Variants in LGSN observed in about 807,000 individuals in gnomAD.
LGSN encodes the protein lengsin.
LGSN carries 21 observed loss-of-function variants against 19.5 expected under a neutral mutation model. The ratio of observed to expected loss-of-function variants is 1.07; its 90% confidence interval spans 0.76 to 1.55. LGSN has a LOEUF of 1.55. Ranked by LOEUF, LGSN falls within the 40% of genes most tolerant of loss-of-function variation. The pLI is 0.00. For missense variants in LGSN, 673 were observed against 608.5 expected (o/e 1.11, Z -1.12); for synonymous variants, 257 against 215.6 (o/e 1.19, Z -1.68).
chr6:63,355,221 C>T, the LGSN span, among the ~76,000 whole-genome samples: 3 of 151,914 alleles, frequency 2.0e-5, no homozygotes, highest in African/African-American at 7.3e-5. Flanking sequence ...ATCACATGTA[C>T]CCTACAAATA....
the LGSN span, among the ~76,000 whole-genome samples, chr6:63,540,754 T>C: frequency 5.3e-5 from 8 of 151,936 alleles, no homozygotes; most frequent in Non-Finnish European, 1.0e-4. Context: ...AGAATGGTTA[T>C]GAGGGTGGCG....
the LGSN span, among the ~76,000 whole-genome samples, chr6:63,435,746 C>T: frequency 2.0e-5 from 3 of 151,784 alleles, no homozygotes; most frequent in Non-Finnish European, 4.4e-5. Flanking sequence ...CACTCAGTAT[C>T]TTCTTAAAAA....
At chr6:63,468,462 C>T in the LGSN span, among the ~76,000 whole-genome samples, 1 of 151,564 alleles carries the variant, frequency 6.6e-6, no homozygotes, top group Non-Finnish European at 1.5e-5. Flanking sequence ...GAATCTTGCT[C>T]TGTTGCCCAG....
the LGSN span, among the ~76,000 whole-genome samples, chr6:63,354,920 G>GA: frequency 4.6e-4 from 66 of 144,754 alleles, no homozygotes; most frequent in South Asian, 6.5e-4. Flanking sequence ...ATATATGGGA[G>GA]AAAAAAAAAA....
At chr6:63,520,822 G>T in the LGSN span, among the ~76,000 whole-genome samples, 95 of 152,142 alleles carry the variant, frequency 6.2e-4, no homozygotes, top group African/African-American at 2.2e-3. Context: ...GTGGTAAAGA[G>T]ATCATTTATT....
the LGSN span, among the ~76,000 whole-genome samples, chr6:63,442,711 T>C: frequency 6.6e-6 from 1 of 152,090 alleles, no homozygotes; most frequent in Non-Finnish European, 1.5e-5. Context: ...TTGCTGCATT[T>C]ACAATCCTTT....
At chr6:63,426,572 T>TG in the LGSN span, among the ~76,000 whole-genome samples, 1 of 152,192 alleles carries the variant, frequency 6.6e-6, no homozygotes, top group African/African-American at 2.4e-5. Context: ...TAGAGTGCAA[T>TG]GGCACAATCC....
the LGSN span, among the ~76,000 whole-genome samples, chr6:63,478,694 T>C: frequency 6.6e-6 from 1 of 152,170 alleles, no homozygotes; most frequent in Non-Finnish European, 1.5e-5. Flanking sequence ...CTCTAAAGAT[T>C]CAAGAATTTA....
the LGSN span, among the ~76,000 whole-genome samples, chr6:63,497,118 C>T: frequency 1.3e-5 from 2 of 152,016 alleles, no homozygotes; most frequent in African/African-American, 2.4e-5. Flanking sequence ...ACTACAGGCA[C>T]ACATCTCCAC....
the LGSN span, among the ~76,000 whole-genome samples, chr6:63,408,501 C>T: frequency 2.8e-5 from 4 of 145,410 alleles, no homozygotes; most frequent in African/African-American, 5.3e-5. Flanking sequence ...AACTGGATCC[C>T]TTCCTTACAC....
chr6:63,326,528 G>T, the LGSN span, among the ~76,000 whole-genome samples: 11 of 152,194 alleles, frequency 7.2e-5, no homozygotes, highest in African/African-American at 2.4e-4. Context: ...GGCTTGGGCC[G>T]CACAGGAGCC....
the LGSN span, among the ~76,000 whole-genome samples, chr6:63,526,835 ATT>A: frequency 1.2e-3 from 149 of 128,964 alleles, 1 homozygote; most frequent in African/African-American, 2.6e-3. Flanking sequence ...ATATATATAT[ATT>A]TATTTATTTA....
At chr6:63,533,696 T>C in the LGSN span, among the ~76,000 whole-genome samples, 93 of 152,302 alleles carry the variant, frequency 6.1e-4, no homozygotes, top group Middle Eastern at 3.4e-3. Flanking sequence ...ATTAGAATTC[T>C]AAATGACTTT....
At chr6:63,409,410 ATTTT>A in the LGSN span, among the ~76,000 whole-genome samples, 1 of 152,192 alleles carries the variant, frequency 6.6e-6, no homozygotes, top group Non-Finnish European at 1.5e-5. Context: ...ATTTTAAGAA[ATTTT>A]TACATATATC....
chr6:63,440,328 C>G, the LGSN span, among the ~76,000 whole-genome samples: 1 of 152,142 alleles, frequency 6.6e-6, no homozygotes, highest in Non-Finnish European at 1.5e-5. Context: ...AGGAGCCTGG[C>G]CTCCTCAGTT....
the LGSN span, among the ~76,000 whole-genome samples, chr6:63,489,009 A>G: frequency 1.4e-4 from 22 of 152,318 alleles, no homozygotes; most frequent in East Asian, 3.5e-3. Context: ...GCAATCCATA[A>G]CAAATAAATA....
intron 1 of LGSN, among the ~76,000 whole-genome samples, chr6:63,301,530 A>G (rs950119435): frequency 1.3e-5 from 2 of 152,124 alleles, no homozygotes; most frequent in African/African-American, 4.8e-5. Context: ...GATTATGGAA[A>G]TCTTGTGTGT....
upstream of LGSN, among the ~76,000 whole-genome samples, chr6:63,323,748 C>A (rs113519067): frequency 0.027 from 3,981 of 147,358 alleles, 236 homozygotes; most frequent in African/African-American, 0.097. Context: ...AGAAAAACCA[C>A]TGGAATCTCG....
the LGSN span, among the ~76,000 whole-genome samples, chr6:63,535,488 A>G: frequency 2.0e-5 from 3 of 152,172 alleles, no homozygotes; most frequent in East Asian, 3.8e-4. Flanking sequence ...AAAAAGCAAT[A>G]ATATGCATTT....
Sources: allele counts gnomAD v4.1 joint callset (sites outside exome capture counted in the v4.1 genomes callset), GRCh38; gene constraint gnomAD v4.1.1; transcripts MANE v1.5; gene names NCBI Gene and HGNC (gene_info 2026-07-23, HGNC 2026-07-21).